SLIT3: variants seen among roughly 807,000 people sequenced by gnomAD.
The protein encoded by SLIT3 is slit homolog 3 protein.
In SLIT3, 68 loss-of-function variants were observed where a neutral mutation model predicts 184.0. The ratio of observed to expected loss-of-function variants is 0.37; its 90% confidence interval spans 0.30 to 0.45. The LOEUF is 0.45. Among genes scored for constraint, SLIT3 ranks in the 20% least tolerant of loss-of-function variants. The probability of loss-of-function intolerance (pLI) is 1.00; values close to 1 mark genes in which losing one functional copy is unlikely to be tolerated. For synonymous variants in SLIT3, 831 were observed against 828.6 expected (o/e 1.00, Z -0.05); for missense variants, 1,707 against 2,026.0 (o/e 0.84, Z 3.02).
rs1161658665 is a variant in SLIT3 at position 168,927,395 on chromosome 5, A to C, written c.414-44059T>G. 3.3e-5 allele frequency among the ~76,000 whole-genome samples: 5 copies of C among 152,296 alleles called. No individual in the cohort carries two copies. In the South Asian group the frequency reaches 8.3e-4, roughly 25 times the overall value. On this transcript the variant is annotated intron_variant, in intron 4 of 35. Coordinates refer to ENST00000519560, the MANE Select transcript of SLIT3 (RefSeq NM_003062.4). The stretch of plus-strand genomic sequence containing the variant: ...GATAGGGAGTTTTTGTTTAATGGGC[A>C]TAGAGGTTCAGTTTTGCAAGATGAA...
intron 5 of SLIT3, among the ~76,000 whole-genome samples, chr5:168,853,937 T>C (rs1467333373): frequency 2.6e-5 from 4 of 152,200 alleles, no homozygotes; most frequent in Non-Finnish European, 5.9e-5. Context: ...CTGTACAAAC[T>C]CAGGCAAAAT....
At chr5:168,715,732 G>A (rs1013500748) in intron 23 of SLIT3, among the ~76,000 whole-genome samples, 4 of 152,222 alleles carry the variant, frequency 2.6e-5, no homozygotes, top group Admixed American at 1.3e-4. Flanking sequence ...GAGTGCAGTG[G>A]CACGATCTTG....
intron 1 of SLIT3, among the ~76,000 whole-genome samples, chr5:169,272,029 C>T (rs900624545): frequency 3.9e-5 from 6 of 152,234 alleles, no homozygotes; most frequent in Admixed American, 1.3e-4. Flanking sequence ...GGCAGAAGCC[C>T]ATCAAGCTCT....
chr5:169,038,960 C>T (rs1757354291), intron 4 of SLIT3, among the ~76,000 whole-genome samples: 1 of 152,094 alleles, frequency 6.6e-6, no homozygotes, highest in African/African-American at 2.4e-5. Context: ...TTTACTCCCT[C>T]CTAAGAAAAA....
chr5:168,906,257 A>G, intron 4 of SLIT3, among the ~76,000 whole-genome samples: 1 of 152,218 alleles, frequency 6.6e-6, no homozygotes, highest in East Asian at 1.9e-4. Context: ...AAAACTAATG[A>G]CTGGTTTGGT....
chr5:168,839,731 A>G (rs1180203552), intron 6 of SLIT3, among the ~76,000 whole-genome samples: 2 of 152,110 alleles, frequency 1.3e-5, no homozygotes, highest in Non-Finnish European at 2.9e-5. Context: ...ATAATACCCA[A>G]AACTTAATGG....
chr5:169,011,096 G>T (rs1019042853), intron 4 of SLIT3, among the ~76,000 whole-genome samples: 13 of 152,066 alleles, frequency 8.5e-5, no homozygotes, highest in Non-Finnish European at 1.3e-4. Flanking sequence ...TATAAGGGCC[G>T]AAGCTATAAC....
At chr5:169,230,736 C>A (rs973562283) in intron 3 of SLIT3, among the ~76,000 whole-genome samples, 1 of 152,152 alleles carries the variant, frequency 6.6e-6, no homozygotes, top group Non-Finnish European at 1.5e-5. Flanking sequence ...AGGTTGTTTT[C>A]TTTTCCTGGT....
intron 35 of SLIT3, among the ~76,000 whole-genome samples, chr5:168,669,179 A>G (rs73320580): frequency 0.023 from 3,563 of 152,274 alleles, 133 homozygotes; most frequent in African/African-American, 0.081. Flanking sequence ...CCCTCACTGA[A>G]TGTACCTGAC....
intron 9 of SLIT3, among the ~76,000 whole-genome samples, chr5:168,796,599 C>T (rs4867938): frequency 0.56 from 85,363 of 151,896 alleles, 24,308 homozygotes; most frequent in Middle Eastern, 0.73. Context: ...TGGCAGGGGA[C>T]GTAGTGGGAG....
chr5:169,133,058 G>A lies in SLIT3; in HGVS notation c.413+60421C>T, dbSNP rs753464754. 2.0e-4 allele frequency among the ~76,000 whole-genome samples: 30 copies of A among 152,204 alleles called. No individual in the cohort carries two copies. In the South Asian group the frequency reaches 2.5e-3, roughly 13 times the overall value. ...AACTGTTTCCTGTGTGTGGGGAGGC[G>A]GTTACAGGTGCATTAGCTGTGATGA... is the stretch of plus-strand genomic sequence containing the variant. On this transcript the variant is annotated intron_variant, in intron 4 of 35. Transcript: ENST00000519560.
chr5:169,234,203 A>T (rs1291589758), intron 3 of SLIT3, among the ~76,000 whole-genome samples: 11 of 152,160 alleles, frequency 7.2e-5, no homozygotes. Context: ...TTGTAGCTCT[A>T]CATCCTCCTT....
chr5:169,138,583 A>C (rs1246579450), intron 4 of SLIT3, among the ~76,000 whole-genome samples: 1 of 152,176 alleles, frequency 6.6e-6, no homozygotes, highest in African/African-American at 2.4e-5. Flanking sequence ...GGGAAGATTA[A>C]ATGAGATAAT....
intron 8 of SLIT3, among the ~76,000 whole-genome samples, chr5:168,809,945 C>A (rs187851385): frequency 6.6e-6 from 1 of 152,284 alleles, no homozygotes; most frequent in East Asian, 1.9e-4. Context: ...ACTCTGTCTG[C>A]AGCTCTCTTC....
At chr5:169,239,749 T>G (rs1765329834) in intron 3 of SLIT3, among the ~76,000 whole-genome samples, 1 of 152,066 alleles carries the variant, frequency 6.6e-6, no homozygotes, top group Non-Finnish European at 1.5e-5. Context: ...TATTATACAT[T>G]CATTTCTATT....
In SLIT3 at chr5:168,884,427, T is replaced by TCACACACACACA. The variant is rs59573859; in HGVS notation, c.414-1103_414-1092dup. Among the ~76,000 whole-genome samples, 3 of 144,334 alleles carry TCACACACACACA rather than the reference T, an allele frequency of 2.1e-5. No individual in the cohort carries two copies. In the East Asian group the frequency reaches 6.1e-4, roughly 30 times the overall value. 94.7% of individuals were successfully genotyped at this position (144,334 alleles called of 152,430 possible). On this transcript the variant is annotated intron_variant, in intron 4 of 35. Transcript: ENST00000519560. ...TAAAAGGTGTCTCTCTCTCTCTCTC[T>TCACACACACACA]CACACACACACACACACAGTGCTAT... is the stretch of plus-strand genomic sequence containing the variant.
At chr5:169,092,083 C>T (rs1023354084) in intron 4 of SLIT3, among the ~76,000 whole-genome samples, 3 of 152,104 alleles carry the variant, frequency 2.0e-5, no homozygotes, top group East Asian at 1.9e-4. Flanking sequence ...ATTAGCCAGG[C>T]GTGGTGGCAG....
chr5:168,996,585 T>C (rs1755517851), intron 4 of SLIT3, among the ~76,000 whole-genome samples: 1 of 152,200 alleles, frequency 6.6e-6, no homozygotes, highest in Non-Finnish European at 1.5e-5. Context: ...CACAGTAAAT[T>C]CAGAAACACG....
At chr5:169,218,318 T>C (rs1036341848) in intron 3 of SLIT3, among the ~76,000 whole-genome samples, 4 of 152,174 alleles carry the variant, frequency 2.6e-5, no homozygotes, top group African/African-American at 9.6e-5. Context: ...ATATCACACC[T>C]TAGACCCAGC....
Sources: gnomAD v4.1 joint callset for allele counts (sites outside exome capture counted in the v4.1 genomes callset) on GRCh38, gnomAD v4.1.1 for gene constraint, MANE v1.5 for transcripts, NCBI Gene and HGNC (gene_info 2026-07-23, HGNC 2026-07-21) for gene names.